The following FKBP1A variants were observed in gnomAD, a reference collection of about 807,000 sequenced individuals.
The protein encoded by FKBP1A is peptidyl-prolyl cis-trans isomerase FKBP1A.
In FKBP1A, 5 loss-of-function variants were observed where a neutral mutation model predicts 14.2. The observed-to-expected ratio is 0.35, with a 90% confidence interval of 0.18 to 0.74. The LOEUF (loss-of-function observed/expected upper bound fraction) is 0.74, where lower values mean the gene tolerates loss of function less well. Ranked by LOEUF, FKBP1A falls within the 30% of genes least tolerant of loss-of-function variation. The pLI is 0.56. For synonymous variants in FKBP1A, 42 were observed against 49.1 expected, an observed-to-expected ratio of 0.86 and a Z score of 0.60; for missense variants, 53 against 138.8, an observed-to-expected ratio of 0.38 and a Z score of 3.10.
At chr20:1,392,636 G>A (rs2089753494) in intron 2 of FKBP1A, among the ~76,000 whole-genome samples, 198 bp downstream of exon 2, 1 of 152,084 alleles carries the variant, frequency 6.6e-6, no homozygotes, top group South Asian at 2.1e-4. Flanking sequence ...GCTCACAGCC[G>A]CCGATTCAGA....
intron 3 of FKBP1A, 147 bp from the exon 4 acceptor site, chr20:1,372,387 C>T: frequency 1.3e-6 from 1 of 759,528 alleles, no homozygotes. Flanking sequence ...TCACCACCTC[C>T]TTGTGCAGGA....
intron 2 of FKBP1A, among the ~76,000 whole-genome samples, chr20:1,387,877 T>C (rs960169156): frequency 3.9e-5 from 6 of 152,146 alleles, no homozygotes; most frequent in Non-Finnish European, 7.4e-5. Context: ...AGGTAAAGAA[T>C]TACTTTACCT....
At chr20:1,370,537 C>T in intron 4 of FKBP1A, 1 of 985,154 alleles carries the variant, frequency 1.0e-6, no homozygotes, top group Non-Finnish European at 1.2e-6. Flanking sequence ...GCAGTCCAGA[C>T]TGAGAATAAA....
intron 2 of FKBP1A, among the ~76,000 whole-genome samples, chr20:1,384,086 G>C (rs1171762886): frequency 6.6e-6 from 1 of 152,142 alleles, no homozygotes; most frequent in Non-Finnish European, 1.5e-5. Context: ...ATAGTGAAGA[G>C]CACTCCCCTC....
chr20:1,392,049 T>A (rs1245287437), intron 2 of FKBP1A, among the ~76,000 whole-genome samples: 1 of 152,214 alleles, frequency 6.6e-6, no homozygotes, highest in Non-Finnish European at 1.5e-5. Context: ...AAAATTTCCT[T>A]TGGCTTGTAT....
Position 1,375,539 on chromosome 20 carries a change from C to G in FKBP1A, c.150G>C (p.Met50Ile). The G allele has an allele frequency of 6.2e-7, 1 of 1,614,082 alleles. No individual in the cohort carries two copies. Among genetic ancestry groups the G allele is most frequent in the Non-Finnish European group, 8.5e-7 (1 of 1,179,992 alleles). Residue 50 changes from methionine to isoleucine, a missense_variant, in exon 3 of 5, where the codon ATG (methionine) becomes ATC (isoleucine). This residue lies in a region of FKBP1A where 35 missense variants were observed against 118.1 expected (regional missense o/e 0.30). Coordinates refer to ENST00000400137, the MANE Select transcript of FKBP1A (RefSeq NM_000801.5). ...SRDRNKPFKF[M>I]LGKQEVIRGW... ...CTCGGATCACCTCCTGCTTGCCTAG[C>G]ATAAACTTAAAGGGCTTGTTTCTGT...
chr20:1,391,687 T>C (rs2089738790), intron 2 of FKBP1A: 1 of 398,482 alleles, frequency 2.5e-6, no homozygotes, highest in Admixed American at 4.4e-5. Context: ...AGGTGGAGCT[T>C]ATTCGTGAGC....
At chr20:1,374,530 A>G (rs2089511740) in intron 3 of FKBP1A, 1 of 152,176 alleles carries the variant, frequency 6.6e-6, no homozygotes, top group South Asian at 2.1e-4. Flanking sequence ...CTGGGAGGAG[A>G]TTGCACCTTT....
intron 2 of FKBP1A, among the ~76,000 whole-genome samples, chr20:1,382,931 C>T (rs1256373405): frequency 6.6e-6 from 1 of 152,168 alleles, no homozygotes; most frequent in Non-Finnish European, 1.5e-5. Flanking sequence ...TCCACAGCAG[C>T]CTGCTCTTTC....
In FKBP1A at chr20:1,369,801, G is replaced by T; in HGVS notation, c.*308C>A. 1 of 436,628 alleles carries T rather than the reference G, an allele frequency of 2.3e-6. No individual in the cohort carries two copies. The highest frequency in any genetic ancestry group is 4.2e-6 in the Non-Finnish European group (1 of 238,878). 27.0% of individuals were successfully genotyped at this position (436,628 alleles called of 1,614,324 possible). A position where few individuals can be genotyped will look rare whatever the true frequency, so the allele number is the denominator to read the frequency against. On this transcript the variant is annotated 3_prime_UTR_variant, in exon 5 of 5. Transcript: ENST00000400137. ...TAATACTTGACCATGTACTTAATTGGAAACCTATATCCAAAAGACTGAAAC... is the reference window on the plus strand; with the variant it reads ...TAATACTTGACCATGTACTTAATTGTAAACCTATATCCAAAAGACTGAAAC...
At chr20:1,387,265 T>G (rs2089677614) in intron 2 of FKBP1A, among the ~76,000 whole-genome samples, 1 of 152,000 alleles carries the variant, frequency 6.6e-6, no homozygotes, top group African/African-American at 2.4e-5. Flanking sequence ...ACCAGAGCTC[T>G]TTGAAAGATG....
intron 3 of FKBP1A, among the ~76,000 whole-genome samples, chr20:1,374,030 A>G (rs554105989): frequency 1.3e-5 from 2 of 152,362 alleles, no homozygotes; most frequent in Admixed American, 6.5e-5. Flanking sequence ...GATATTTTAT[A>G]GAGGAAGTAG....
At chr20:1,390,374 G>C (rs1463522410) in intron 2 of FKBP1A, among the ~76,000 whole-genome samples, 1 of 132,118 alleles carries the variant, frequency 7.6e-6, no homozygotes, top group Non-Finnish European at 1.6e-5. Flanking sequence ...GAGGGGGGAC[G>C]GGGGAGCATG....
At chr20:1,385,886 A>G (rs2089664662) in intron 2 of FKBP1A, among the ~76,000 whole-genome samples, 2 of 152,204 alleles carry the variant, frequency 1.3e-5, no homozygotes, top group African/African-American at 4.8e-5. Context: ...CTTTGCTCAA[A>G]TGTCACTTTC....
intron 2 of FKBP1A, among the ~76,000 whole-genome samples, chr20:1,380,305 T>C (rs924333963): frequency 5.9e-5 from 9 of 152,058 alleles, no homozygotes; most frequent in Non-Finnish European, 1.2e-4. Flanking sequence ...GAGAGAGCTA[T>C]ACAGAGATCC....
chr20:1,370,009 A>G lies in FKBP1A; in HGVS notation c.*100T>C. The G allele has an allele frequency of 6.5e-7, 1 of 1,549,660 alleles. No homozygotes were observed. Among genetic ancestry groups the G allele is most frequent in the East Asian group, 2.4e-5 (1 of 40,912 alleles). The stretch of plus-strand genomic sequence containing the variant: ...TCTATACAAAGTGGAGTGGAACATC[A>G]GGAAAAGCTCCATATGGATTCATGT... On this transcript the variant is annotated 3_prime_UTR_variant, in exon 5 of 5. Coordinates refer to ENST00000400137, the MANE Select transcript of FKBP1A (RefSeq NM_000801.5).
chr20:1,392,020 T>C lies in FKBP1A; in HGVS notation c.85+814A>G, dbSNP rs146065502. 3.9e-5 allele frequency among the ~76,000 whole-genome samples: 6 copies of C among 152,148 alleles called. No individual in the cohort carries two copies. In the East Asian group the frequency reaches 1.2e-3, roughly 29 times the overall value. ...ACGACTCTGATGTCTGAATTCTGGC[T>C]GGGGAGGGGGAGGTGTCTAAAATTT... is the stretch of plus-strand genomic sequence containing the variant. On this transcript the variant is annotated intron_variant, in intron 2 of 4. Transcript: ENST00000400137.
intron 2 of FKBP1A, chr20:1,391,781 G>T: frequency 2.5e-6 from 1 of 396,578 alleles, no homozygotes. Context: ...GGAGGAGGAG[G>T]GGGAACAGAG....
At chr20:1,388,314 A>G (rs935665742) in intron 2 of FKBP1A, among the ~76,000 whole-genome samples, 1 of 152,242 alleles carries the variant, frequency 6.6e-6, no homozygotes. Context: ...CTCTCTTTGA[A>G]GAAATCAGAG....
Sources: allele counts gnomAD v4.1 joint callset (sites outside exome capture counted in the v4.1 genomes callset), GRCh38; gene constraint gnomAD v4.1.1; regional missense constraint gnomAD v4.1.1; transcripts MANE v1.5; gene names NCBI Gene and HGNC (gene_info 2026-07-23, HGNC 2026-07-21).